Variants in GABRG2 observed in about 807,000 individuals in gnomAD.
The protein encoded by GABRG2 is gamma-aminobutyric acid type A receptor subunit gamma2, also known as gamma-aminobutyric acid receptor subunit gamma-2.
GABRG2 carries 16 observed loss-of-function variants against 56.4 expected under a neutral mutation model. The ratio of observed to expected loss-of-function variants is 0.28; its 90% CI spans 0.19 to 0.43. GABRG2 has a LOEUF of 0.43. GABRG2 is among the 20% of genes least tolerant of loss of function. GABRG2 has a pLI of 1.00. For synonymous variants in GABRG2, 208 were observed against 205.5 expected (o/e 1.01, Z -0.10); for missense variants, 327 against 582.7 (o/e 0.56, Z 4.52).
chr5:162,075,965 C>T (rs1318997953), intron 1 of GABRG2, among the ~76,000 whole-genome samples: 1 of 150,078 alleles, frequency 6.7e-6, no homozygotes, highest in African/African-American at 2.5e-5. Flanking sequence ...CTGGCCTGGG[C>T]AACATGGTGT....
chr5:162,071,140 T>C (rs961402316), intron 1 of GABRG2, among the ~76,000 whole-genome samples: 8 of 151,504 alleles, frequency 5.3e-5, no homozygotes, highest in Non-Finnish European at 7.4e-5. Flanking sequence ...CATATATACA[T>C]ATATAAATGT....
At chr5:162,112,741 T>C (rs1416331147) in intron 6 of GABRG2, among the ~76,000 whole-genome samples, 1 of 152,136 alleles carries the variant, frequency 6.6e-6, no homozygotes, top group African/African-American at 2.4e-5. Flanking sequence ...TTGCTGGGCA[T>C]ACAGATTAGG....
At position 162,097,898 on chromosome 5, in the gene GABRG2, A is replaced by AAAAC. The variant is rs753535427; in HGVS notation, c.548+50_548+53dup. On this transcript the variant is annotated intron_variant, in intron 4 of 9. Coordinates refer to ENST00000639213, the MANE Select transcript of GABRG2 (RefSeq NM_198904.4). ...AAGGAAAGGAGTAATTGTTAGGAAG[A>AAAAC]AAACAAACAAACACAAAAATCAACC... The AAAAC allele has an allele frequency of 3.2e-4, 493 of 1,532,420 alleles. 4 individuals are homozygous for AAAAC. In the African/African-American group the frequency reaches 6.0e-3, roughly 19 times the overall value. The allele number at this position is 1,532,420 out of a possible 1,614,324, so 94.9% of individuals were successfully genotyped here.
chr5:162,083,162 A>T (rs1379692096), intron 1 of GABRG2, among the ~76,000 whole-genome samples: 1 of 151,800 alleles, frequency 6.6e-6, no homozygotes, highest in Non-Finnish European at 1.5e-5. Flanking sequence ...CCACCATTTC[A>T]AATATCTAAA....
intron 6 of GABRG2, among the ~76,000 whole-genome samples, chr5:162,136,479 G>A (rs1764135189): frequency 6.6e-6 from 1 of 152,152 alleles, no homozygotes; most frequent in African/African-American, 2.4e-5. Flanking sequence ...GTGTGGGGTG[G>A]TGGTGGTGGT....
At chr5:162,118,204 GGTGTGTGTGT>G (rs3079259) in intron 6 of GABRG2, among the ~76,000 whole-genome samples, 2 of 146,080 alleles carry the variant, frequency 1.4e-5, no homozygotes, top group African/African-American at 5.0e-5. Context: ...AGGTTCTGAT[GGTGTGTGTGT>G]GTGTGTGTGT....
intron 6 of GABRG2, among the ~76,000 whole-genome samples, chr5:162,139,227 A>G (rs1295268626): frequency 6.6e-6 from 1 of 152,232 alleles, no homozygotes; most frequent in Non-Finnish European, 1.5e-5. Context: ...GGATAAATCA[A>G]TAGGAGGAAT....
At chr5:162,122,602 C>T (rs918109549) in intron 6 of GABRG2, among the ~76,000 whole-genome samples, 5 of 151,520 alleles carry the variant, frequency 3.3e-5, no homozygotes, top group Non-Finnish European at 7.4e-5. Context: ...ATCTTCATGA[C>T]AGACCACCCA....
intron 1 of GABRG2, among the ~76,000 whole-genome samples, chr5:162,080,241 A>G (rs1288215636): frequency 6.6e-6 from 1 of 152,210 alleles, no homozygotes; most frequent in Non-Finnish European, 1.5e-5. Flanking sequence ...AAATTGTGAT[A>G]GTGTTGAGGA....
rs939715311 is a variant in GABRG2, at chr5:162,154,011, T to C, written c.*643T>C. ...TCATCCTATTGTCTTTTATTTTGTG[T>C]CCTTGGGCTATAAAAGATTCCTGAA... On this transcript the variant is annotated 3_prime_UTR_variant, in exon 10 of 10. Transcript: ENST00000639213. 1 of 153,200 alleles carries C rather than the reference T, an allele frequency of 6.5e-6. No homozygotes were observed. The highest frequency in any genetic ancestry group is 2.4e-5 in the African/African-American group (1 of 41,454). 9.5% of individuals were successfully genotyped at this position (153,200 alleles called of 1,614,324 possible). A position where few individuals can be genotyped will look rare whatever the true frequency, so the allele number is the denominator to read the frequency against.
At chr5:162,078,630 C>A (rs1759391720) in intron 1 of GABRG2, among the ~76,000 whole-genome samples, 1 of 151,210 alleles carries the variant, frequency 6.6e-6, no homozygotes, top group South Asian at 2.1e-4. Flanking sequence ...TGGTCTCAAT[C>A]TCCTGACCTC....
At chr5:162,075,596 A>G (rs1410364184) in intron 1 of GABRG2, among the ~76,000 whole-genome samples, 1 of 152,152 alleles carries the variant, frequency 6.6e-6, no homozygotes. Flanking sequence ...CTTTCATAGC[A>G]TGCCTAGCCT....
At position 162,153,410 on chromosome 5, in the gene GABRG2, C is replaced by T. The variant is rs747202413; in HGVS notation, c.*42C>T. ...CTGATATGGTTCTTATTCACTGAGT[C>T]TCATGGAGAGATGTCTGTTCTAAGT... On this transcript the variant is annotated 3_prime_UTR_variant, in exon 10 of 10. Coordinates refer to ENST00000639213, the MANE Select transcript of GABRG2 (RefSeq NM_198904.4). 2 of 1,599,400 alleles carry T rather than the reference C, an allele frequency of 1.3e-6. No individual in the cohort carries two copies. The highest frequency in any genetic ancestry group is 2.2e-5 in the South Asian group (2 of 90,798).
At chr5:162,082,878 A>T (rs1335583279) in intron 1 of GABRG2, among the ~76,000 whole-genome samples, 1 of 151,658 alleles carries the variant, frequency 6.6e-6, no homozygotes, top group Non-Finnish European at 1.5e-5. Context: ...TTGAGAAAAT[A>T]TTTTATCTAT....
chr5:162,142,038 C>T, intron 6 of GABRG2, 126 bp from the exon 7 acceptor site: 1 of 1,246,472 alleles, frequency 8.0e-7, no homozygotes, highest in Non-Finnish European at 1.2e-6. Context: ...AAATAGTTTT[C>T]AACATACCAC....
rs766990192 is a variant in GABRG2 at position 162,068,078 on chromosome 5, A to G, written c.79A>G (p.Ile27Val). 4 of 1,612,330 alleles carry G rather than the reference A, an allele frequency of 2.5e-6. No homozygotes were observed. The highest frequency in any genetic ancestry group is 1.1e-5 in the South Asian group (1 of 91,016). ...ATTTTCACAGAAAATGACGGTGTGG[A>G]TTCTGCTCCTGCTGTCGCTCTACCC... ...PVFSQKMTVW[I>V]LLLLSLYPGF... The change falls in exon 1 of 10, where the codon ATT becomes GTT. Residue 27 changes from isoleucine (I) to valine (V), a missense_variant. Transcript: ENST00000639213.
intron 6 of GABRG2, among the ~76,000 whole-genome samples, chr5:162,123,221 A>G (rs996019489): frequency 1.3e-5 from 2 of 151,768 alleles, no homozygotes; most frequent in African/African-American, 4.8e-5. Flanking sequence ...AAATCTGTAA[A>G]TCATCCTCCT....
At chr5:162,107,427 A>G (rs1761917327) in intron 6 of GABRG2, among the ~76,000 whole-genome samples, 1 of 152,190 alleles carries the variant, frequency 6.6e-6, no homozygotes, top group Admixed American at 6.5e-5. Context: ...TTAGAGCTTG[A>G]GTAAAGAGCA....
At chr5:162,088,040 G>A (rs1026228524) in intron 1 of GABRG2, among the ~76,000 whole-genome samples, 28 of 152,136 alleles carry the variant, frequency 1.8e-4, no homozygotes, top group African/African-American at 6.0e-4. Flanking sequence ...ACACTCACAT[G>A]TGCACACTCA....
Sources: allele counts gnomAD v4.1 joint callset (sites outside exome capture counted in the v4.1 genomes callset), GRCh38; gene constraint gnomAD v4.1.1; transcripts MANE v1.5; gene names NCBI Gene and HGNC (gene_info 2026-07-23, HGNC 2026-07-21).